The following C2orf42 variants were observed in gnomAD, a reference collection of about 807,000 sequenced individuals.
C2orf42 encodes the protein chromosome 2 open reading frame 42.
C2orf42 carries 44 observed loss-of-function variants against 58.9 expected under a neutral mutation model. That is an observed-to-expected ratio of 0.75 (90% CI 0.59 to 0.96). The LOEUF (loss-of-function observed/expected upper bound fraction) is 0.96, where lower values mean the gene tolerates loss of function less well. C2orf42 is among the 40% of genes least tolerant of loss of function. The pLI, the probability that C2orf42 is intolerant of heterozygous loss-of-function variation, is 0.00. For missense variants in C2orf42, 630 were observed against 699.2 expected (o/e 0.90, Z 1.12); for synonymous variants, 239 against 265.4 (o/e 0.90, Z 0.97).
At chr2:70,158,625 A>AT (rs1672853954) in intron 9 of C2orf42, among the ~76,000 whole-genome samples, 1 of 151,940 alleles carries the variant, frequency 6.6e-6, no homozygotes, top group Non-Finnish European at 1.5e-5. Context: ...AATGTTTTGC[A>AT]TTTTAGTAGA....
intron 9 of C2orf42, among the ~76,000 whole-genome samples, chr2:70,155,375 G>A (rs1168574104): frequency 6.6e-6 from 1 of 152,152 alleles, no homozygotes; most frequent in Non-Finnish European, 1.5e-5. Context: ...TGCTCAGGCT[G>A]GTCTCAAACT....
Position 70,175,666 on chromosome 2 carries a change from A to T in C2orf42, c.1039+7T>A. The T allele has an allele frequency of 6.4e-7, 1 of 1,573,888 alleles. No individual in the cohort carries two copies. Among genetic ancestry groups the T allele is most frequent in the Non-Finnish European group, 8.7e-7 (1 of 1,143,412 alleles). ...ACTGTAGCCTATTCTAGGGAAGGGA[A>T]ACTTACCCTGCCTTTTTAACGAGGA... On this transcript the variant is annotated splice_region_variant and intron_variant, in intron 5 of 9. Transcript: ENST00000264434.
intron 5 of C2orf42, among the ~76,000 whole-genome samples, chr2:70,172,549 T>C (rs1673897990): frequency 6.6e-6 from 1 of 152,040 alleles, no homozygotes; most frequent in Admixed American, 6.6e-5. Context: ...TGTGGTGGCA[T>C]GTGCCTGTAG....
chr2:70,167,422 G>A (rs1424515948), intron 6 of C2orf42, among the ~76,000 whole-genome samples: 1 of 151,644 alleles, frequency 6.6e-6, no homozygotes, highest in Non-Finnish European at 1.5e-5. Flanking sequence ...AGGGGAGGGG[G>A]TCAAGTGAGT....
chr2:70,165,585 G>C lies in C2orf42; in HGVS notation c.1195C>G (p.Leu399Val). Residue 399 changes from leucine to valine, a missense_variant, in exon 7 of 10, where the codon CTG becomes GTG. Transcript: ENST00000264434. ...FHIPQSFFDALQQRISIGSAK... is the reference protein window; with the variant it reads ...FHIPQSFFDAVQQRISIGSAK... ...CTTCCTATAGATATTCTTTGTTGCA[G>C]GGCATCAAAAAATGACTGAGGAATG... 2 of 1,612,960 alleles carry C rather than the reference G, an allele frequency of 1.2e-6. No homozygotes were observed.
rs371588735 is a variant in C2orf42 at position 70,181,530 on chromosome 2, C to T, written c.456G>A (p.Lys152=). The part of the protein sequence containing the change: ...CQAEATPLTL[K]SSVLNAMQAS... Reference sequence around the variant, plus strand: ...CCTGCATTGCATTCAGGACCGAGCTCTTCAGGGTCAGAGGGGTGGCCTCTG... The same window carrying T: ...CCTGCATTGCATTCAGGACCGAGCTTTTCAGGGTCAGAGGGGTGGCCTCTG... The change falls in exon 3 of 10, where the codon AAG becomes AAA. Residue 152 remains lysine (K), a synonymous_variant. Coordinates refer to ENST00000264434, the MANE Select transcript of C2orf42 (RefSeq NM_017880.3). The T allele has an allele frequency of 3.1e-6, 5 of 1,613,648 alleles. No homozygotes were observed. In the African/African-American group the frequency reaches 4.0e-5, roughly 13 times the overall value.
intron 3 of C2orf42, among the ~76,000 whole-genome samples, chr2:70,180,199 G>A (rs1041747948): frequency 2.5e-4 from 38 of 151,928 alleles, no homozygotes; most frequent in Non-Finnish European, 1.5e-5. Context: ...GGCTGAGGCA[G>A]GAGAAGCGCT....
chr2:70,156,323 A>G (rs960609347), intron 9 of C2orf42, among the ~76,000 whole-genome samples: 4 of 152,156 alleles, frequency 2.6e-5, no homozygotes, highest in African/African-American at 9.7e-5. Flanking sequence ...TATAATGTTG[A>G]TAAGAGATTC....
In C2orf42 at chr2:70,181,459, G is replaced by A. The variant is rs148471734; in HGVS notation, c.527C>T (p.Pro176Leu). 8.1e-4 allele frequency: 1,300 copies of A among 1,613,944 alleles called. 1 individual carries two copies. The highest frequency in any genetic ancestry group is 6.3e-3 in the Middle Eastern group (38 of 6,062). Residue 176 changes from proline (P) to leucine (L), a missense_variant, in exon 3 of 10, where the codon CCC becomes CTC. Physicochemically the swap from Pro to Leu is moderately conservative, Grantham distance 98. Transcript: ENST00000264434. ...KQTIWQLATE[P>L]TGPLVQRITK... Reference sequence around the variant, plus strand: ...AATTCTCTGCACCAGAGGACCTGTGGGTTCCGTGGCCAACTGCCAGATGGT... The same window carrying A: ...AATTCTCTGCACCAGAGGACCTGTGAGTTCCGTGGCCAACTGCCAGATGGT...
chr2:70,179,811 G>A (rs183940947), intron 3 of C2orf42, among the ~76,000 whole-genome samples, 169 bp from the exon 4 acceptor site: 17 of 152,132 alleles, frequency 1.1e-4, no homozygotes, highest in African/African-American at 3.6e-4. Flanking sequence ...AAATTACCAC[G>A]CCTGTGTTCC....
In C2orf42 at chr2:70,179,625, C is replaced by A. The variant is rs768036808; in HGVS notation, c.841G>T (p.Val281Leu). The A allele has an allele frequency of 2.7e-6, 4 of 1,469,752 alleles. No individual in the cohort carries two copies. The South Asian group carries it at 4.6e-5, about 17-fold the overall frequency. The allele number at this position is 1,469,752 out of a possible 1,614,324, so 91.0% of individuals were successfully genotyped here. The change falls in exon 4 of 10, where the codon GTA becomes TTA. Residue 281 changes from valine to leucine, a missense_variant. By Grantham distance (32) the Val-to-Leu change is conservative. Coordinates refer to ENST00000264434, the MANE Select transcript of C2orf42 (RefSeq NM_017880.3). Reference sequence around the variant, plus strand: ...TCTGAATGGCAACCTAACTGGGGTACAATAATCTCTTTAAGACCTAAAAAA... The same window carrying A: ...TCTGAATGGCAACCTAACTGGGGTAAAATAATCTCTTTAAGACCTAAAAAA... ...FDSSGLKEII[V>L]PQLGCHSEST...
Position 70,160,715 on chromosome 2 carries a change from C to CT in C2orf42, c.1425dup (p.Val476SerfsTer56), listed in dbSNP as rs1558658217. ...GTTTCTGCTATGCTTTCTACTTCCACTTTAGGGCATTTAAATAGCTCATAA... is the reference window on the plus strand; with the variant it reads ...GTTTCTGCTATGCTTTCTACTTCCACTTTTAGGGCATTTAAATAGCTCATAA... On this transcript the variant is annotated frameshift_variant, in exon 9 of 10. Coordinates refer to ENST00000264434, the MANE Select transcript of C2orf42 (RefSeq NM_017880.3). LOFTEE classifies it high-confidence loss of function. 1 of 1,612,814 alleles carries CT rather than the reference C, an allele frequency of 6.2e-7. No homozygotes were observed. Among genetic ancestry groups the CT allele is most frequent in the Non-Finnish European group, 8.5e-7 (1 of 1,179,302 alleles).
intron 9 of C2orf42, among the ~76,000 whole-genome samples, chr2:70,154,414 TAAAAAA>T (rs36028499): frequency 4.7e-4 from 12 of 25,600 alleles, no homozygotes; most frequent in East Asian, 2.4e-3. Context: ...AAATTTTTAC[TAAAAAA>T]AAAAAAAAAA....
In C2orf42 at chr2:70,179,594, G is replaced by A. The variant is rs938291045; in HGVS notation, c.872C>T (p.Thr291Ile). 1 of 1,569,936 alleles carries A rather than the reference G, an allele frequency of 6.4e-7. No individual in the cohort carries two copies. Among genetic ancestry groups the A allele is most frequent in the Non-Finnish European group, 8.8e-7 (1 of 1,140,682 alleles). Residue 291 changes from threonine to isoleucine, a missense_variant, in exon 4 of 10, where the codon ACA (threonine) becomes ATA (isoleucine). Thr to Ile is a moderately conservative substitution (Grantham distance 89). Coordinates refer to ENST00000264434, the MANE Select transcript of C2orf42 (RefSeq NM_017880.3). ...GGCAGTAGACTCACAAGCAGATACT[G>A]TTGATTCTGAATGGCAACCTAACTG... ...VPQLGCHSES[T>I]VSACESTASK...
chr2:70,167,635 G>C (rs1468955424), intron 6 of C2orf42, among the ~76,000 whole-genome samples: 1 of 151,948 alleles, frequency 6.6e-6, no homozygotes, highest in East Asian at 1.9e-4. Context: ...CAGCTACTCA[G>C]GAGGCTGAAA....
At position 70,150,441 on chromosome 2, in the gene C2orf42, C is replaced by T. The variant is rs1672237597; in HGVS notation, c.1640G>A (p.Gly547Glu). The stretch of plus-strand genomic sequence containing the variant: ...CTGGTCTTGGTACTCCGCCACATGC[C>T]CATTCCGGTGGTGGCCATACTCAAA... ...IKFEYGHHRN[G>E]HVAEYQDQRP... Residue 547 changes from glycine (G) to glutamate (E), a missense_variant, in exon 10 of 10, where the codon GGG becomes GAG. Transcript: ENST00000264434. The T allele has an allele frequency of 6.2e-7, 1 of 1,614,012 alleles. No individual in the cohort carries two copies.
Position 70,181,685 on chromosome 2 carries a change from T to C in C2orf42, c.301A>G (p.Thr101Ala). ...TGAGTGATGATCGTCCCATCCACTGTCTGGATTGTTGTCTCTGAAACCCCG... is the reference window on the plus strand; with the variant it reads ...TGAGTGATGATCGTCCCATCCACTGCCTGGATTGTTGTCTCTGAAACCCCG... ...ELGVSETTIQ[T>A]VDGTIITQLS... The change falls in exon 3 of 10, where the codon ACA becomes GCA. Residue 101 changes from threonine (T) to alanine (A), a missense_variant. Coordinates refer to ENST00000264434, the MANE Select transcript of C2orf42 (RefSeq NM_017880.3). 1.2e-6 allele frequency: 2 copies of C among 1,614,178 alleles called. No homozygotes were observed. Among genetic ancestry groups the C allele is most frequent in the Non-Finnish European group, 8.5e-7 (1 of 1,180,036 alleles).
At chr2:70,168,649 C>G (rs900649187) in intron 6 of C2orf42, among the ~76,000 whole-genome samples, 1 of 151,276 alleles carries the variant, frequency 6.6e-6, no homozygotes, top group African/African-American at 2.4e-5. Context: ...TGGTGACGTT[C>G]CATGAGACTA....
intron 1 of C2orf42, among the ~76,000 whole-genome samples, chr2:70,183,244 C>T (rs1169911720): frequency 6.6e-6 from 1 of 151,850 alleles, no homozygotes; most frequent in Non-Finnish European, 1.5e-5. Flanking sequence ...CAAGACCAGC[C>T]TGGACAACAT....
Sources: gnomAD v4.1 joint callset for allele counts (sites outside exome capture counted in the v4.1 genomes callset) on GRCh38, gnomAD v4.1.1 for gene constraint, MANE v1.5 for transcripts, NCBI Gene and HGNC (gene_info 2026-07-23, HGNC 2026-07-21) for gene names.